Variants in TUBA4B observed in about 807,000 individuals in gnomAD.
TUBA4B encodes the protein tubulin alpha 4b.
In TUBA4B, 13 loss-of-function variants were observed where a neutral mutation model predicts 18.4. The observed-to-expected ratio is 0.71, with a 90% CI of 0.46 to 1.12. The LOEUF (loss-of-function observed/expected upper bound fraction) is 1.12. TUBA4B is among the 50% of genes most tolerant of loss of function. The probability of loss-of-function intolerance (pLI) is 0.00; values close to 1 mark genes in which losing one functional copy is unlikely to be tolerated. For missense variants in TUBA4B, 244 were observed against 250.0 expected (o/e 0.98, Z 0.16); for synonymous variants, 101 against 99.1 (o/e 1.02, Z -0.11).
chr2:219,253,472 G>C, intron 1 of TUBA4B, 53 bp downstream of exon 1: 1 of 1,360,356 alleles, frequency 7.4e-7, no homozygotes, highest in South Asian at 1.2e-5. Context: ...GGTCAGTGCT[G>C]AGGACCAGGG....
intron 1 of TUBA4B, among the ~76,000 whole-genome samples, chr2:219,262,956 G>A (rs1296370162): frequency 6.6e-6 from 1 of 152,084 alleles, no homozygotes; most frequent in African/African-American, 2.4e-5. Flanking sequence ...CAGGAGAATT[G>A]CTTGAACCCG....
chr2:219,259,281 T>G (rs1951745647), intron 1 of TUBA4B, among the ~76,000 whole-genome samples: 1 of 140,624 alleles, frequency 7.1e-6, no homozygotes, highest in South Asian at 2.2e-4. Flanking sequence ...AATGCGCCAC[T>G]GCACTCCAGC....
At chr2:219,255,777 C>G (rs2125073085) in intron 1 of TUBA4B, among the ~76,000 whole-genome samples, 1 of 152,278 alleles carries the variant, frequency 6.6e-6, no homozygotes, top group African/African-American at 2.4e-5. Flanking sequence ...GGCTCTACAT[C>G]ACTTGGAAAG....
chr2:219,254,082 G>A (rs565908522), intron 1 of TUBA4B: 1 of 444,916 alleles, frequency 2.2e-6, no homozygotes, highest in East Asian at 3.6e-5. Flanking sequence ...CAAGCTGCGC[G>A]GGGGTCCCTC....
At chr2:219,257,043 CTTTTTTTT>C (rs368841707) in intron 1 of TUBA4B, among the ~76,000 whole-genome samples, 1 of 107,586 alleles carries the variant, frequency 9.3e-6, no homozygotes, top group South Asian at 3.4e-4. Flanking sequence ...CCCATTTTGG[CTTTTTTTT>C]TTTTTTTTTT....
chr2:219,265,141 C>T (rs369974731), intron 1 of TUBA4B, among the ~76,000 whole-genome samples: 11 of 152,310 alleles, frequency 7.2e-5, no homozygotes, highest in African/African-American at 2.6e-4. Flanking sequence ...GCTGTGCACA[C>T]TCTGCCATGT....
chr2:219,272,095 G>A lies in TUBA4B; in HGVS notation c.*396G>A, dbSNP rs896610181. 8 of 1,018,220 alleles carry A rather than the reference G, an allele frequency of 7.9e-6. No individual in the cohort carries two copies. The highest frequency in any genetic ancestry group is 4.5e-6 in the Non-Finnish European group (3 of 660,268). The allele number at this position is 1,018,220 out of a possible 1,614,324, so 63.1% of individuals were successfully genotyped here. ...CTGGAGAAGGATTACAAGGAGGTGG[G>A]CATGGATAGTGTGGAGTGGGGGGAA... is the stretch of plus-strand genomic sequence containing the variant. On this transcript the variant is annotated 3_prime_UTR_variant, in exon 4 of 4. Transcript: ENST00000490341.
rs1234477472 is a variant in TUBA4B at position 219,253,561 on chromosome 2, A to T, written c.12+142A>T. On this transcript the variant is annotated intron_variant, in intron 1 of 3. Coordinates refer to ENST00000490341, the MANE Select transcript of TUBA4B (RefSeq NM_001355221.1). ...CGGGGCGCGGGCCCGCGTGACTCTC[A>T]TACAGAGTCGGGACACAAATGCTCG... 3.9e-6 allele frequency: 3 copies of T among 778,620 alleles called. No individual in the cohort carries two copies. In the East Asian group the frequency reaches 8.0e-5, roughly 21 times the overall value. The allele number at this position is 778,620 out of a possible 1,614,324, so 48.2% of individuals were successfully genotyped here.
At position 219,253,716 on chromosome 2, in the gene TUBA4B, G is replaced by C; in HGVS notation, c.12+297G>C. ...GCCAAAGTCACCAGGAGGGGGTTGG[G>C]GAGGGAGGATGCAAAACCCTCGCAC... On this transcript the variant is annotated intron_variant, in intron 1 of 3. Transcript: ENST00000490341. 4.8e-6 allele frequency: 5 copies of C among 1,047,696 alleles called. 2 individuals are homozygous for C. The South Asian group carries it at 7.8e-5, about 16-fold the overall frequency. 64.9% of individuals were successfully genotyped at this position (1,047,696 alleles called of 1,614,324 possible). A position where few individuals can be genotyped will look rare whatever the true frequency, so the allele number is the denominator to read the frequency against.
chr2:219,254,437 C>T (rs45627932), intron 1 of TUBA4B: 1 of 152,412 alleles, frequency 6.6e-6, no homozygotes, highest in African/African-American at 2.4e-5. Flanking sequence ...GGGCGGCAGC[C>T]TTTCGCCGAC....
chr2:219,261,982 C>T (rs1379818225), intron 1 of TUBA4B, among the ~76,000 whole-genome samples: 1 of 152,222 alleles, frequency 6.6e-6, no homozygotes, highest in Non-Finnish European at 1.5e-5. Context: ...CCAGATCTTG[C>T]CTCGCTGACT....
intron 1 of TUBA4B, 104 bp downstream of exon 1, chr2:219,253,523 C>T (rs958229185): frequency 9.8e-6 from 10 of 1,021,650 alleles, no homozygotes; most frequent in African/African-American, 3.2e-5. Context: ...TCTTCTTTTG[C>T]CCGCGGAAAG....
At chr2:219,263,266 AT>A (rs1344177166) in intron 1 of TUBA4B, among the ~76,000 whole-genome samples, 8 of 152,214 alleles carry the variant, frequency 5.3e-5, no homozygotes, top group African/African-American at 1.7e-4. Flanking sequence ...GCCAAGGCAG[AT>A]GGATCATCTG....
intron 2 of TUBA4B, among the ~76,000 whole-genome samples, chr2:219,267,951 G>T (rs1951800397): frequency 6.6e-6 from 1 of 152,152 alleles, no homozygotes; most frequent in Admixed American, 6.6e-5. Flanking sequence ...TGGGCTAGTA[G>T]TTCTGGGGGC....
At chr2:219,255,046 TTC>T (rs369713142) in intron 1 of TUBA4B, among the ~76,000 whole-genome samples, 37 of 149,406 alleles carry the variant, frequency 2.5e-4, no homozygotes, top group African/African-American at 2.9e-4. Context: ...TGCTTTCTCT[TTC>T]TCTCTCTCTC....
Position 219,270,271 on chromosome 2 carries a change from C to CCT in TUBA4B, c.129_130dup (p.Trp44SerfsTer50). ...AAGGAAGATGCTGCCAATAACTATG[C>CCT]CTGGGGCCACTACACCATTGGGAAG... On this transcript the variant is annotated frameshift_variant, in exon 3 of 4. Transcript: ENST00000490341. LOFTEE classifies it high-confidence loss of function. The CCT allele has an allele frequency of 1.3e-6, 1 of 768,616 alleles. No individual in the cohort carries two copies. The highest frequency in any genetic ancestry group is 1.7e-5 in the African/African-American group (1 of 59,114). The allele number at this position is 768,616 out of a possible 1,614,324, so 47.6% of individuals were successfully genotyped here.
rs945158333 is a variant in TUBA4B, at chr2:219,253,357, G to GGC, written c.-50_-49insCG. ...TCAGACGCGGGGTGCTGAGTCACGG[G>GGC]GGGGGGGTGGTTCTGTGGATAGTTG... On this transcript the variant is annotated 5_prime_UTR_variant, in exon 1 of 4. Transcript: ENST00000490341. 56 of 1,515,662 alleles carry GGC rather than the reference G, an allele frequency of 3.7e-5. No individual in the cohort carries two copies. The Admixed American group carries it at 3.9e-4, about 11-fold the overall frequency. The allele number at this position is 1,515,662 out of a possible 1,614,324, so 93.9% of individuals were successfully genotyped here.
At chr2:219,259,909 C>T (rs866525433) in intron 1 of TUBA4B, among the ~76,000 whole-genome samples, 2 of 152,182 alleles carry the variant, frequency 1.3e-5, no homozygotes, top group Non-Finnish European at 2.9e-5. Context: ...CCCCTCAATA[C>T]TCTCCCTGCA....
chr2:219,271,363 C>G lies in TUBA4B; in HGVS notation c.390C>G (p.Thr130=). Residue 130 remains threonine (T), a synonymous_variant, in exon 4 of 4, where the codon ACC becomes ACG. Transcript: ENST00000490341. ...MVQPYNSILT[T]HTTLEHSDCA... ...AGCCCTACAACTCTATCCTGACCAC[C>G]CACACCACCCTGGAGCACTCAGACT... The G allele has an allele frequency of 6.2e-7, 1 of 1,614,200 alleles. No individual in the cohort carries two copies.
Sources: gnomAD v4.1 joint callset for allele counts (sites outside exome capture counted in the v4.1 genomes callset) on GRCh38, gnomAD v4.1.1 for gene constraint, MANE v1.5 for transcripts, NCBI Gene and HGNC (gene_info 2026-07-23, HGNC 2026-07-21) for gene names.